GRIP1: variants seen among roughly 807,000 people sequenced by gnomAD.
The protein encoded by GRIP1 is glutamate receptor-interacting protein 1.
GRIP1 carries 45 observed loss-of-function variants against 129.9 expected under a neutral mutation model. The ratio of observed to expected loss-of-function variants is 0.35; its 90% CI spans 0.27 to 0.44. The LOEUF (loss-of-function observed/expected upper bound fraction) is 0.44. Ranked by LOEUF, GRIP1 falls within the 20% of genes least tolerant of loss-of-function variation. The probability of loss-of-function intolerance (pLI) is 1.00; values close to 1 mark genes in which losing one functional copy is unlikely to be tolerated. For missense variants in GRIP1, 1,196 were observed against 1,396.8 expected (o/e 0.86, Z 2.29); for synonymous variants, 530 against 520.8 (o/e 1.02, Z -0.24).
intron 1 of GRIP1, among the ~76,000 whole-genome samples, chr12:66,949,760 CTTTTTTTTTTT>C (rs781123585): frequency 1.2e-5 from 1 of 85,426 alleles, no homozygotes; most frequent in African/African-American, 4.4e-5. Context: ...CATGCTCCTC[CTTTTTTTTTTT>C]TTTTTTTTTT....
chr12:66,368,457 G>A (rs143740310), intron 23 of GRIP1, among the ~76,000 whole-genome samples: 65 of 152,132 alleles, frequency 4.3e-4, no homozygotes, highest in Middle Eastern at 3.4e-3. Context: ...TGTTTAGCCC[G>A]GTGTGCTATT....
At chr12:66,556,605 A>G (rs2062341506) in intron 2 of GRIP1, among the ~76,000 whole-genome samples, 1 of 152,094 alleles carries the variant, frequency 6.6e-6, no homozygotes, top group African/African-American at 2.4e-5. Flanking sequence ...AATAACTATG[A>G]CAACTTTTCA....
At chr12:66,743,648 G>A (rs1459083785) in intron 1 of GRIP1, among the ~76,000 whole-genome samples, 1 of 151,982 alleles carries the variant, frequency 6.6e-6, no homozygotes, top group African/African-American at 2.4e-5. Context: ...TCCTGTCCTG[G>A]AGTGTCTAGG....
chr12:67,063,164 T>A (rs928310311), intron 1 of GRIP1, among the ~76,000 whole-genome samples: 2 of 152,212 alleles, frequency 1.3e-5, no homozygotes, highest in African/African-American at 4.8e-5. Flanking sequence ...TAGTAAGTGC[T>A]GGAGTGAATT....
At chr12:66,389,029 G>A (rs7397465) in intron 19 of GRIP1, among the ~76,000 whole-genome samples, 142,755 of 152,178 alleles carry the variant, frequency 0.94, 67,652 homozygotes, top group East Asian at 1. Flanking sequence ...CCAGGAGGAA[G>A]ATGTGCATTA....
At chr12:66,479,595 A>C (rs2059737089) in intron 7 of GRIP1, among the ~76,000 whole-genome samples, 1 of 152,208 alleles carries the variant, frequency 6.6e-6, no homozygotes, top group African/African-American at 2.4e-5. Flanking sequence ...CCTGATACCA[A>C]AGCCTGGCAG....
intron 2 of GRIP1, among the ~76,000 whole-genome samples, chr12:66,590,405 A>G (rs1449488835): frequency 1.3e-5 from 2 of 152,340 alleles, no homozygotes; most frequent in East Asian, 1.9e-4. Context: ...CTCTGAACAC[A>G]CAAATCAAGG....
chr12:66,532,464 A>G (rs916422611), intron 4 of GRIP1, among the ~76,000 whole-genome samples: 1 of 152,086 alleles, frequency 6.6e-6, no homozygotes, highest in African/African-American at 2.4e-5. Flanking sequence ...TTATTTTCCT[A>G]TGGTAGATGA....
At chr12:66,443,282 C>T (rs1592879406) in intron 13 of GRIP1, among the ~76,000 whole-genome samples, 1 of 152,242 alleles carries the variant, frequency 6.6e-6, no homozygotes, top group South Asian at 2.1e-4. Flanking sequence ...ATCCCCTTTG[C>T]CCCCCACCTT....
chr12:67,048,453 C>G (rs114989523), intron 1 of GRIP1, among the ~76,000 whole-genome samples: 1 of 152,012 alleles, frequency 6.6e-6, no homozygotes, highest in Non-Finnish European at 1.5e-5. Context: ...TATACATATA[C>G]GCACACACAT....
rs1565841514 is a variant in GRIP1 at position 66,539,153 on chromosome 12, C to A, written c.343G>T (p.Asp115Tyr). The part of the protein sequence containing the change: ...NGINLAKFRH[D>Y]EIISLLKNVG... ...TTCTTCAGCAAGCTGATGATCTCGT[C>A]ATGGCGGAATTTGGCCAGGTTGATT... Residue 115 changes from aspartate to tyrosine, a missense_variant, in exon 4 of 25, where the codon GAC becomes TAC. Physicochemically the swap from Asp to Tyr is radical, Grantham distance 160. Transcript: ENST00000359742. 5 of 1,613,970 alleles carry A rather than the reference C, an allele frequency of 3.1e-6. No individual in the cohort carries two copies. The highest frequency in any genetic ancestry group is 1.6e-4 in the Middle Eastern group (1 of 6,084).
intron 1 of GRIP1, among the ~76,000 whole-genome samples, chr12:66,728,407 A>C (rs922327871): frequency 1.3e-5 from 2 of 152,134 alleles, no homozygotes; most frequent in Non-Finnish European, 2.9e-5. Flanking sequence ...TTCTCAGCAC[A>C]CAGTCACCCC....
At chr12:66,741,990 T>A (rs556369009) in intron 1 of GRIP1, among the ~76,000 whole-genome samples, 1 of 152,326 alleles carries the variant, frequency 6.6e-6, no homozygotes, top group East Asian at 1.9e-4. Context: ...AGAAAACAAT[T>A]TTCTGTCAAC....
At chr12:66,419,243 A>C (rs1191137005) in intron 15 of GRIP1, among the ~76,000 whole-genome samples, 1 of 152,016 alleles carries the variant, frequency 6.6e-6, no homozygotes, top group Non-Finnish European at 1.5e-5. Flanking sequence ...TTTAAAAATC[A>C]AAATAACTGA....
intron 2 of GRIP1, among the ~76,000 whole-genome samples, chr12:66,548,092 A>T (rs576712935): frequency 6.6e-6 from 1 of 152,348 alleles, no homozygotes; most frequent in South Asian, 2.1e-4. Context: ...GGATTCTAAC[A>T]TGCAGCTAGA....
intron 1 of GRIP1, among the ~76,000 whole-genome samples, chr12:66,842,828 T>C (rs2039744785): frequency 6.6e-6 from 1 of 152,152 alleles, no homozygotes; most frequent in African/African-American, 2.4e-5. Context: ...TTTTATTTAT[T>C]TCCATGTGTA....
intron 1 of GRIP1, among the ~76,000 whole-genome samples, chr12:66,870,275 G>A (rs1475537461): frequency 1.3e-5 from 2 of 152,026 alleles, no homozygotes; most frequent in Non-Finnish European, 2.9e-5. Context: ...GCTGAAGGGA[G>A]GCATTTTTAA....
At chr12:67,066,204 T>C (rs2043621982) in intron 1 of GRIP1, among the ~76,000 whole-genome samples, 1 of 152,168 alleles carries the variant, frequency 6.6e-6, no homozygotes, top group African/African-American at 2.4e-5. Flanking sequence ...ATGAATGGTG[T>C]GTAGATACGA....
intron 1 of GRIP1, chr12:67,037,329 A>AATAAT (rs1555167294): frequency 7.2e-6 from 1 of 139,188 alleles, no homozygotes; most frequent in African/African-American, 2.6e-5. Flanking sequence ...CTCTGCCTGA[A>AATAAT]AATAATAATA....
Sources: gnomAD v4.1 joint callset for allele counts (sites outside exome capture counted in the v4.1 genomes callset) on GRCh38, gnomAD v4.1.1 for gene constraint, MANE v1.5 for transcripts, NCBI Gene and HGNC (gene_info 2026-07-23, HGNC 2026-07-21) for gene names.